P2RX1: variants seen among roughly 807,000 people sequenced by gnomAD.
The protein encoded by P2RX1 is purinergic receptor P2X 1.
Under a neutral mutation model 50.3 loss-of-function variants are expected in P2RX1, and 42 were observed. The observed-to-expected ratio is 0.83, with a 90% CI of 0.65 to 1.08. The LOEUF (loss-of-function observed/expected upper bound fraction) is 1.08. Ranked by LOEUF, P2RX1 falls within the 50% of genes least tolerant of loss-of-function variation. P2RX1 has a pLI of 0.00. For synonymous variants in P2RX1, 199 were observed against 202.6 expected (o/e 0.98, Z 0.15); for missense variants, 449 against 529.0 (o/e 0.85, Z 1.48).
intron 7 of P2RX1, among the ~76,000 whole-genome samples, chr17:3,900,296 A>G (rs2056113960): frequency 6.6e-6 from 1 of 152,002 alleles, no homozygotes. Context: ...CTACTAAAAA[A>G]TACAAAAATT....
intron 1 of P2RX1, among the ~76,000 whole-genome samples, chr17:3,909,176 G>A (rs7207563): frequency 0.16 from 25,045 of 151,948 alleles, 3,004 homozygotes; most frequent in African/African-American, 0.33. Flanking sequence ...GACTACGGGC[G>A]CGCCCCACCA....
At chr17:3,908,623 C>A (rs1182462486) in intron 1 of P2RX1, among the ~76,000 whole-genome samples, 1 of 152,138 alleles carries the variant, frequency 6.6e-6, no homozygotes, top group African/African-American at 2.4e-5. Flanking sequence ...CAAAGCCATG[C>A]CTTGATCTGG....
At chr17:3,901,330 G>C (rs575663006) in intron 7 of P2RX1, among the ~76,000 whole-genome samples, 11 of 152,222 alleles carry the variant, frequency 7.2e-5, no homozygotes, top group Admixed American at 4.6e-4. Flanking sequence ...GCCTCCCAAA[G>C]TGCTGGGATT....
In P2RX1 at chr17:3,904,353, C is replaced by A. The variant is rs1263264309; in HGVS notation, c.404G>T (p.Gly135Val). The change falls in exon 4 of 12, where the codon GGG (glycine) becomes GTG (valine). Residue 135 changes from glycine to valine, a missense_variant. By Grantham distance (109) the Gly-to-Val change is moderately radical. Transcript: ENST00000225538. ...ACCTTGGGCCTTCCTCTTGGCCTTC[C>A]CAGGGGTACAGCCACTGTCTTCCTT... Reference protein sequence around the residue: ...ICKEDSGCTPGKAKRKAQGIR... With the variant: ...ICKEDSGCTPVKAKRKAQGIR... 6.2e-7 allele frequency: 1 copy of A among 1,614,032 alleles called. No individual in the cohort carries two copies.
chr17:3,903,177 A>G lies in P2RX1; in HGVS notation c.747+25T>C. The G allele has an allele frequency of 6.2e-7, 1 of 1,613,776 alleles. No homozygotes were observed. The highest frequency in any genetic ancestry group is 1.3e-5 in the African/African-American group (1 of 75,022). The stretch of plus-strand genomic sequence containing the variant: ...AGGATCCTGCGGCCCAGCCCTCCCC[A>G]CGTGCCTGGCACCATGCTCCATACC... On this transcript the variant is annotated intron_variant, in intron 7 of 11. Transcript: ENST00000225538. This position sits in a 1 kb window ranked among gnomAD's most constrained non-coding sequence, Gnocchi z 4.6.
At chr17:3,901,130 C>T (rs1375664056) in intron 7 of P2RX1, among the ~76,000 whole-genome samples, 2 of 151,984 alleles carry the variant, frequency 1.3e-5, no homozygotes, top group South Asian at 2.1e-4. Flanking sequence ...TGCAGTGGCA[C>T]GATCTCGGCT....
intron 1 of P2RX1, among the ~76,000 whole-genome samples, chr17:3,911,521 G>C (rs1241064875): frequency 1.3e-5 from 2 of 152,100 alleles, no homozygotes; most frequent in African/African-American, 4.8e-5. Context: ...CACTGCCTCT[G>C]CCTTGGGTCC....
At position 3,914,367 on chromosome 17, in the gene P2RX1, C is replaced by G. The variant is rs564311052; in HGVS notation, c.137+1722G>C. On this transcript the variant is annotated intron_variant, in intron 1 of 11. Coordinates refer to ENST00000225538, the MANE Select transcript of P2RX1 (RefSeq NM_002558.4). The surrounding 1 kb of genome is among the most constrained non-coding windows in gnomAD (Gnocchi z 4.1). ...GGCAGGAGGACGGTAGTGAGGTCCCCGTCACTGGAGGTATAGGTTCCCGGC... is the reference window on the plus strand; with the variant it reads ...GGCAGGAGGACGGTAGTGAGGTCCCGGTCACTGGAGGTATAGGTTCCCGGC... Among the ~76,000 whole-genome samples, 1 of 151,886 alleles carries G rather than the reference C, an allele frequency of 6.6e-6. No homozygotes were observed. The highest frequency in any genetic ancestry group is 1.5e-5 in the Non-Finnish European group (1 of 67,986).
chr17:3,900,931 C>T (rs751569796), intron 7 of P2RX1, among the ~76,000 whole-genome samples: 20 of 151,950 alleles, frequency 1.3e-4, no homozygotes, highest in East Asian at 1.9e-4. Context: ...CTGGGCGAGG[C>T]GAGTAATGGG....
chr17:3,905,164 C>T (rs1479968015), intron 2 of P2RX1, 56 bp downstream of exon 2: 6 of 1,597,742 alleles, frequency 3.8e-6, no homozygotes, highest in South Asian at 2.2e-5. Context: ...GACAGAGTCC[C>T]ACCCAACTCT....
intron 7 of P2RX1, among the ~76,000 whole-genome samples, chr17:3,901,337 G>A (rs986463065): frequency 5.9e-5 from 9 of 152,254 alleles, no homozygotes; most frequent in African/African-American, 1.7e-4. Context: ...AAAGTGCTGG[G>A]ATTACAGGCG....
intron 1 of P2RX1, chr17:3,915,458 T>C (rs1202998091): frequency 2.2e-6 from 1 of 456,482 alleles, no homozygotes; most frequent in Non-Finnish European, 4.4e-6. Flanking sequence ...CCACGCTGCC[T>C]CTGATTCTGC....
chr17:3,904,422 G>A, intron 3 of P2RX1, 23 bp from the exon 4 acceptor site: 1 of 1,608,678 alleles, frequency 6.2e-7, no homozygotes. Context: ...AAAGCTGCTG[G>A]TCCCAGGCCC....
At chr17:3,904,810 T>G (rs769773422) in intron 3 of P2RX1, 48 bp downstream of exon 3, 1 of 1,428,492 alleles carries the variant, frequency 7.0e-7, no homozygotes, top group Non-Finnish European at 9.7e-7. Context: ...CTGCACGTCA[T>G]TTTCCCCTGT....
Position 3,899,647 on chromosome 17 carries a change from C to A in P2RX1, c.862G>T (p.Gly288Cys), listed in dbSNP as rs1567648465. ...CCTGGCAGACACCTGAAGTTGAAGC[C>A]TGGGGAGAGATTTTTCTCTTCGTAC... ...GLYEEKNLSP[G>C]FNFRFARHFV... is the part of the protein sequence containing the mutation. The change falls in exon 8 of 12, where the codon GGC (glycine) becomes TGC (cysteine). Residue 288 changes from glycine (G) to cysteine (C), a missense_variant. Physicochemically the swap from Gly to Cys is radical, Grantham distance 159. Coordinates refer to ENST00000225538, the MANE Select transcript of P2RX1 (RefSeq NM_002558.4). The A allele has an allele frequency of 6.2e-7, 1 of 1,613,482 alleles. No homozygotes were observed. The highest frequency in any genetic ancestry group is 1.7e-5 in the Admixed American group (1 of 59,998).
rs765290685 is a variant in P2RX1 at position 3,904,068 on chromosome 17, G to A, written c.428-44C>T. 1.0e-5 allele frequency: 15 copies of A among 1,491,844 alleles called. No homozygotes were observed. The South Asian group carries it at 1.6e-4, about 16-fold the overall frequency. The allele number at this position is 1,491,844 out of a possible 1,614,324, so 92.4% of individuals were successfully genotyped here. A position where few individuals can be genotyped will look rare whatever the true frequency, so the allele number is the denominator to read the frequency against. On this transcript the variant is annotated intron_variant, in intron 4 of 11. Transcript: ENST00000225538. ...CCCTGGGTGCCTGCACTAAACAGAGGAGGCCGCCCCAGACCCCTTCTCCAG... is the reference window on the plus strand; with the variant it reads ...CCCTGGGTGCCTGCACTAAACAGAGAAGGCCGCCCCAGACCCCTTCTCCAG...
At chr17:3,912,780 G>T (rs2056387146) in intron 1 of P2RX1, among the ~76,000 whole-genome samples, 1 of 152,200 alleles carries the variant, frequency 6.6e-6, no homozygotes, top group South Asian at 2.1e-4. Context: ...AGAAGATGCT[G>T]CAGAAACGGT....
rs780651547 is a variant in P2RX1 at position 3,899,674 on chromosome 17, G to C, written c.835C>G (p.Leu279Val). 4 of 1,613,932 alleles carry C rather than the reference G, an allele frequency of 2.5e-6. No individual in the cohort carries two copies. In the Admixed American group the frequency reaches 6.7e-5, roughly 27 times the overall value. The change falls in exon 8 of 12, where the codon CTG becomes GTG. Residue 279 changes from leucine to valine, a missense_variant. Coordinates refer to ENST00000225538, the MANE Select transcript of P2RX1 (RefSeq NM_002558.4). ...GGGGAGAGATTTTTCTCTTCGTACA[G>C]CCCATGGAACTCATAGATGGGTCTG... ...HCRPIYEFHG[L>V]YEEKNLSPGF...
rs916877962 is a variant in P2RX1, at chr17:3,910,363, T to C, written c.138-4996A>G. On this transcript the variant is annotated intron_variant, in intron 1 of 11. Coordinates refer to ENST00000225538, the MANE Select transcript of P2RX1 (RefSeq NM_002558.4). ...TGAACTCTTCATCTCCCTTTAGAAC[T>C]TGTTCCCCTGTGTCCTCGTCATGGA... Among the ~76,000 whole-genome samples, 25 of 152,296 alleles carry C rather than the reference T, an allele frequency of 1.6e-4. 1 individual carries two copies. In the Middle Eastern group the frequency reaches 0.014, roughly 83 times the overall value.
Sources: gnomAD v4.1 joint callset for allele counts (sites outside exome capture counted in the v4.1 genomes callset) on GRCh38, gnomAD v4.1.1 for gene constraint, Gnocchi (gnomAD v3.1) non-coding constraint, MANE v1.5 for transcripts, NCBI Gene and HGNC (gene_info 2026-07-23, HGNC 2026-07-21) for gene names.